The following BRWD3 variants were observed in gnomAD, a reference collection of about 807,000 sequenced individuals.
BRWD3 encodes bromodomain and WD repeat-containing protein 3.
Under a neutral mutation model 149.7 loss-of-function variants are expected in BRWD3, and 10 were observed. That is an observed-to-expected ratio of 0.07 (90% CI 0.04 to 0.11). BRWD3 has a LOEUF of 0.11. Ranked by LOEUF, BRWD3 falls within the 10% of genes least tolerant of loss-of-function variation. The probability of loss-of-function intolerance (pLI) is 1.00; values close to 1 mark genes in which losing one functional copy is unlikely to be tolerated. For synonymous variants in BRWD3, 504 were observed against 456.7 expected (o/e 1.10, Z -1.32); for missense variants, 940 against 1,373.2 (o/e 0.68, Z 4.99).
rs143571459 is a variant in BRWD3 at position 80,709,446 on chromosome X, G to A, written c.2457C>T (p.Asp819=). Residue 819 remains aspartate, a synonymous_variant, in exon 21 of 41, where the codon GAC becomes GAT. Coordinates refer to ENST00000373275, the MANE Select transcript of BRWD3 (RefSeq NM_153252.5). ...ASCQNSGVQE[D]SDSSSEEDET... ...ATATAACCTCTGAAGAACTGTCTGA[G>A]TCTTCCTGTACACCTGAATTTTGAC... The A allele has an allele frequency of 8.3e-7, 1 of 1,209,017 alleles. No homozygotes were observed. The highest frequency in any genetic ancestry group is 1.1e-6 in the Non-Finnish European group (1 of 893,184).
intron 25 of BRWD3, among the ~76,000 whole-genome samples, chrX:80,699,174 C>A (rs2072744900): frequency 9.2e-6 from 1 of 109,235 alleles, no homozygotes; most frequent in African/African-American, 3.3e-5. Flanking sequence ...GAGATAGGGC[C>A]ACTGCACTCC....
chrX:80,713,728 AT>A (rs1236944686), intron 20 of BRWD3, among the ~76,000 whole-genome samples: 2 of 111,964 alleles, frequency 1.8e-5, no homozygotes, highest in Non-Finnish European at 3.8e-5. Context: ...TAAATCTTAG[AT>A]TACTTCTAAC....
intron 9 of BRWD3, 45 bp downstream of exon 9, chrX:80,735,943 T>C (rs1156636588): frequency 3.3e-6 from 3 of 914,970 alleles, no homozygotes; most frequent in Non-Finnish European, 4.7e-6. Context: ...AGGCAATAGA[T>C]AAAAAATTAA....
chrX:80,729,023 C>T, intron 13 of BRWD3, 118 bp from the exon 14 acceptor site: 2 of 595,682 alleles, frequency 3.4e-6, no homozygotes, highest in East Asian at 3.4e-5. Flanking sequence ...TTTAAAAATC[C>T]TAAACTATAC....
chrX:80,703,100 C>T (rs1569252012), intron 24 of BRWD3, among the ~76,000 whole-genome samples: 1 of 111,196 alleles, frequency 9.0e-6, no homozygotes. Context: ...TTCTTGTATA[C>T]TTTCTATCAG....
At position 80,672,641 on chromosome X, in the gene BRWD3, G is replaced by A. The variant is rs913193108; in HGVS notation, c.*3968C>T. The stretch of plus-strand genomic sequence containing the variant: ...CTAGTTTTTGAAATAAGCCATAAAA[G>A]TGACTTTAGAATATTCTATTTCTGA... On this transcript the variant is annotated 3_prime_UTR_variant, in exon 41 of 41. Transcript: ENST00000373275. 2 of 111,848 alleles carry A rather than the reference G, an allele frequency of 1.8e-5. No homozygotes were observed. Among genetic ancestry groups the A allele is most frequent in the Non-Finnish European group, 3.8e-5 (2 of 53,125 alleles). The allele number at this position is 111,848 out of a possible 1,213,427, so 9.2% of individuals were successfully genotyped here.
intron 20 of BRWD3, among the ~76,000 whole-genome samples, chrX:80,712,704 G>A (rs2072998079): frequency 9.1e-6 from 1 of 110,116 alleles, no homozygotes; most frequent in African/African-American, 3.3e-5. Context: ...AGGAAGTGAG[G>A]AGCGCCTCTT....
chrX:80,677,296 T>A lies in BRWD3; in HGVS notation c.4722A>T (p.Lys1574Asn). The change falls in exon 41 of 41, where the codon AAA becomes AAT. Residue 1574 changes from lysine (K) to asparagine (N), a missense_variant. By Grantham distance (94) the Lys-to-Asn change is moderately conservative (BLOSUM62 0). This residue lies in a region of BRWD3 where 349 missense variants were observed against 419.6 expected (regional missense o/e 0.83). Coordinates refer to ENST00000373275, the MANE Select transcript of BRWD3 (RefSeq NM_153252.5). ...CATCTTCTTCTGATGCACTAAGTAG[T>A]TTTCTCTTGATTCCTGTCCGGGGCT... ...GREPRTGIKR[K>N]LLSASEEDEN... 1 of 1,209,574 alleles carries A rather than the reference T, an allele frequency of 8.3e-7. No individual in the cohort carries two copies. Among genetic ancestry groups the A allele is most frequent in the Non-Finnish European group, 1.1e-6 (1 of 894,719 alleles).
chrX:80,777,533 T>C (rs6622364), intron 6 of BRWD3, among the ~76,000 whole-genome samples: 8,778 of 110,153 alleles, frequency 0.08, 725 homozygotes, highest in African/African-American at 0.25. Context: ...GCTGGGACTA[T>C]AGGCACACAG....
At chrX:80,781,527 T>C (rs1382318595) in intron 6 of BRWD3, among the ~76,000 whole-genome samples, 1 of 111,066 alleles carries the variant, frequency 9.0e-6, no homozygotes, top group Non-Finnish European at 1.9e-5. Context: ...ACCCAAGTGC[T>C]GTTGGGGAGG....
Position 80,684,152 on chromosome X carries a change from T to A in BRWD3, c.4091A>T (p.Asp1364Val). ...GAAGTCCACAGGAGTATCTATAACA[T>A]CTTGATAATCCTACAAAGAAGAATG... is the stretch of plus-strand genomic sequence containing the variant. ...QDSSLSEDYQ[D>V]VIDTPVDFST... is the part of the protein sequence containing the mutation. The change falls in exon 37 of 41, where the codon GAT (aspartate) becomes GTT (valine). Residue 1364 changes from aspartate to valine, a missense_variant. Coordinates refer to ENST00000373275, the MANE Select transcript of BRWD3 (RefSeq NM_153252.5). 1 of 1,200,451 alleles carries A rather than the reference T, an allele frequency of 8.3e-7. No homozygotes were observed. Among genetic ancestry groups the A allele is most frequent in the Middle Eastern group, 2.3e-4 (1 of 4,294 alleles).
chrX:80,786,542 G>A (rs927906682), intron 6 of BRWD3, among the ~76,000 whole-genome samples: 27 of 109,442 alleles, frequency 2.5e-4, no homozygotes, highest in African/African-American at 8.7e-4. Context: ...ATGGAGTCTT[G>A]CTCTGTCGCC....
chrX:80,734,435 G>A (rs774034895), intron 10 of BRWD3, among the ~76,000 whole-genome samples: 16 of 111,290 alleles, frequency 1.4e-4, no homozygotes, highest in Non-Finnish European at 2.8e-4. Flanking sequence ...AATACAGGCC[G>A]CCTATGATCA....
At chrX:80,793,521 A>G in intron 5 of BRWD3, 101 bp downstream of exon 5, 1 of 897,374 alleles carries the variant, frequency 1.1e-6, no homozygotes. Flanking sequence ...GATAAGAAAA[A>G]CTAGTATTTA....
Position 80,700,442 on chromosome X carries a change from A to ATATATATATATATATATATATATATATAT in BRWD3, c.2836-379_2836-378insATATATATATATATATATATATATATATA, listed in dbSNP as rs58761845. Among the ~76,000 whole-genome samples the ATATATATATATATATATATATATATATAT allele has an allele frequency of 6.6e-4, 62 of 94,628 alleles. 1 individual carries two copies. The highest frequency in any genetic ancestry group is 1.0e-3 in the Non-Finnish European group (49 of 47,319). 82.2% of individuals were successfully genotyped at this position (94,628 alleles called of 115,157 possible). On this transcript the variant is annotated intron_variant, in intron 24 of 40. Transcript: ENST00000373275. Reference sequence around the variant, plus strand: ...CAGATTGAAAATATTTGATATATATAACAATACAATTAGGCCGGGCATGGT... The same window carrying ATATATATATATATATATATATATATATAT: ...CAGATTGAAAATATTTGATATATATATATATATATATATATATATATATATATATACAATACAATTAGGCCGGGCATGGT...
intron 25 of BRWD3, among the ~76,000 whole-genome samples, chrX:80,697,171 G>A (rs188772883): frequency 5.4e-4 from 60 of 110,594 alleles, no homozygotes; most frequent in African/African-American, 1.9e-3. Flanking sequence ...TATCTATTTT[G>A]GAAAAACTCC....
intron 8 of BRWD3, chrX:80,743,729 T>C (rs1443432966): frequency 2.5e-5 from 6 of 239,277 alleles, no homozygotes; most frequent in Admixed American, 1.3e-4. Context: ...ATTTATATCC[T>C]AATAGGAAAG....
At chrX:80,740,425 A>G (rs2073468412) in intron 8 of BRWD3, among the ~76,000 whole-genome samples, 1 of 112,317 alleles carries the variant, frequency 8.9e-6, no homozygotes, top group Non-Finnish European at 1.9e-5. Context: ...AATTATTAAA[A>G]GAAGCCAACG....
intron 6 of BRWD3, among the ~76,000 whole-genome samples, chrX:80,757,451 A>T (rs1381700101): frequency 1.8e-5 from 2 of 112,374 alleles, no homozygotes; most frequent in Non-Finnish European, 3.8e-5. Context: ...AACTAACTAT[A>T]GTTTTTTCTT....
Sources: gnomAD v4.1 joint callset for allele counts (sites outside exome capture counted in the v4.1 genomes callset) on GRCh38, gnomAD v4.1.1 for gene constraint, gnomAD v4.1.1 regional missense constraint, MANE v1.5 for transcripts, NCBI Gene and HGNC (gene_info 2026-07-23, HGNC 2026-07-21) for gene names.